GSDME: variants seen among roughly 807,000 people sequenced by gnomAD.
GSDME encodes gasdermin-E.
GSDME carries 44 observed loss-of-function variants against 47.5 expected under a neutral mutation model. The observed-to-expected ratio is 0.93, with a 90% confidence interval of 0.73 to 1.19. The LOEUF is 1.19. GSDME is among the 50% of genes most tolerant of loss of function. The pLI is 0.00. For missense variants in GSDME, 663 were observed against 604.2 expected (o/e 1.10, Z -1.02); for synonymous variants, 258 against 252.8 (o/e 1.02, Z -0.20).
chr7:24,746,953 C>T (rs888204193), intron 2 of GSDME, among the ~76,000 whole-genome samples: 1 of 152,178 alleles, frequency 6.6e-6, no homozygotes, highest in African/African-American at 2.4e-5. Flanking sequence ...AGACGCTTCT[C>T]GTCACCGCCC....
chr7:24,711,563 G>A (rs888768391), intron 5 of GSDME, among the ~76,000 whole-genome samples: 9 of 152,072 alleles, frequency 5.9e-5, no homozygotes, highest in African/African-American at 2.2e-4. Context: ...GCTCACACCT[G>A]TAATGCCAAC....
Position 24,736,465 on chromosome 7 carries a change from G to C in GSDME, c.404+8097C>G, listed in dbSNP as rs537037235. Among the ~76,000 whole-genome samples the C allele has an allele frequency of 1.3e-5, 2 of 152,164 alleles. No individual in the cohort carries two copies. The highest frequency in any genetic ancestry group is 2.9e-5 in the Non-Finnish European group (2 of 68,024). ...AATGATAAAGGGGTCAATTCAGCAAGAGGATATAACAATTGTAAATATTTA... is the reference window on the plus strand; with the variant it reads ...AATGATAAAGGGGTCAATTCAGCAACAGGATATAACAATTGTAAATATTTA... On this transcript the variant is annotated intron_variant, in intron 3 of 9. Coordinates refer to ENST00000645220, the MANE Select transcript of GSDME (RefSeq NM_001127453.2). The surrounding 1 kb of genome is among the most constrained non-coding windows in gnomAD (Gnocchi z 4.6).
the GSDME span, among the ~76,000 whole-genome samples, chr7:24,779,269 G>C: frequency 6.6e-6 from 1 of 152,264 alleles, no homozygotes; most frequent in African/African-American, 2.4e-5. This position sits in a 1 kb window ranked among gnomAD's most constrained non-coding sequence, Gnocchi z 6.0. Context: ...ATTCAGGTAA[G>C]AAAGTGGTTA....
chr7:24,716,264 C>T lies in GSDME; in HGVS notation c.697+990G>A, dbSNP rs1789549286. On this transcript the variant is annotated intron_variant, in intron 5 of 9. Coordinates refer to ENST00000645220, the MANE Select transcript of GSDME (RefSeq NM_001127453.2). The surrounding 1 kb of genome is among the most constrained non-coding windows in gnomAD (Gnocchi z 4.5). ...CCCATCAGCCAGCTTCAGCCACTGT[C>T]CCCTCTCAGCCAAGCCTCCTTCCCT... 6.6e-6 allele frequency among the ~76,000 whole-genome samples: 1 copy of T among 152,156 alleles called. No individual in the cohort carries two copies. The highest frequency in any genetic ancestry group is 2.1e-4 in the South Asian group (1 of 4,828).
rs1584099251 is a variant in GSDME at position 24,742,468 on chromosome 7, T to TC, written c.404+2093dup. On this transcript the variant is annotated intron_variant, in intron 3 of 9. Transcript: ENST00000645220. The surrounding 1 kb of genome is among the most constrained non-coding windows in gnomAD (Gnocchi z 4.4). ...TCTGCGGATGCTCCTTTCCTTTCCC[T>TC]CCCCCACTCCCTCTTCCTCCACTCA... Among the ~76,000 whole-genome samples the TC allele has an allele frequency of 6.6e-6, 1 of 152,078 alleles. No individual in the cohort carries two copies. Among genetic ancestry groups the TC allele is most frequent in the Non-Finnish European group, 1.5e-5 (1 of 68,010 alleles).
rs1333102083 is a variant in GSDME at position 24,754,973 on chromosome 7, T to C, written c.-20+2423A>G. Among the ~76,000 whole-genome samples the C allele has an allele frequency of 6.6e-6, 1 of 152,232 alleles. No individual in the cohort carries two copies. The highest frequency in any genetic ancestry group is 1.5e-5 in the Non-Finnish European group (1 of 68,034). ...ACTGTTTGTTGAGTATCTGCTATGT[T>C]CCAGGCATGGGTCTTACTGCCTTAT... On this transcript the variant is annotated intron_variant, in intron 1 of 9. Coordinates refer to ENST00000645220, the MANE Select transcript of GSDME (RefSeq NM_001127453.2). The surrounding 1 kb of genome is among the most constrained non-coding windows in gnomAD (Gnocchi z 5.0).
chr7:24,789,815 T>C, the GSDME span, among the ~76,000 whole-genome samples: 1 of 152,232 alleles, frequency 6.6e-6, no homozygotes, highest in African/African-American at 2.4e-5. Context: ...CATGTCTTCT[T>C]GTAGGACAGA....
intron 6 of GSDME, among the ~76,000 whole-genome samples, chr7:24,708,786 A>G (rs1204621548): frequency 1.3e-5 from 2 of 152,024 alleles, no homozygotes; most frequent in East Asian, 1.9e-4. Flanking sequence ...TTCTTTCTCT[A>G]TCCTTTGCTT....
chr7:24,708,097 AAC>A (rs1562689191), intron 7 of GSDME, 28 bp downstream of exon 7: 3 of 1,612,848 alleles, frequency 1.9e-6, no homozygotes, highest in Admixed American at 3.3e-5. Flanking sequence ...CCCCAGTGAA[AAC>A]ACTGCCTTGA....
intron 6 of GSDME, among the ~76,000 whole-genome samples, chr7:24,709,063 A>T (rs541933657): frequency 2.0e-4 from 30 of 152,346 alleles, no homozygotes; most frequent in African/African-American, 7.2e-4. Flanking sequence ...TCCAACTAGC[A>T]GTTGTATAAA....
chr7:24,766,435 T>C, the GSDME span, among the ~76,000 whole-genome samples: 1 of 152,144 alleles, frequency 6.6e-6, no homozygotes, highest in Non-Finnish European at 1.5e-5. This position sits in a 1 kb window ranked among gnomAD's most constrained non-coding sequence, Gnocchi z 4.2. Flanking sequence ...GCATTTCTCC[T>C]AATGCTCTCC....
rs1433343525 is a variant in GSDME at position 24,735,408 on chromosome 7, T to G, written c.404+9154A>C. On this transcript the variant is annotated intron_variant, in intron 3 of 9. Coordinates refer to ENST00000645220, the MANE Select transcript of GSDME (RefSeq NM_001127453.2). The surrounding 1 kb of genome is among the most constrained non-coding windows in gnomAD (Gnocchi z 4.4). ...GACTATTATAACACTGTCACTGTGG[T>G]ATGTAAACTACTCATATCTTAAGCA... is the stretch of plus-strand genomic sequence containing the variant. Among the ~76,000 whole-genome samples, 1 of 152,196 alleles carries G rather than the reference T, an allele frequency of 6.6e-6. No homozygotes were observed. Among genetic ancestry groups the G allele is most frequent in the Non-Finnish European group, 1.5e-5 (1 of 68,038 alleles).
intron 3 of GSDME, among the ~76,000 whole-genome samples, chr7:24,731,461 A>G (rs1285988983): frequency 1.3e-5 from 2 of 152,158 alleles, no homozygotes; most frequent in Non-Finnish European, 2.9e-5. Flanking sequence ...TCCACGGGAG[A>G]GGAAAACAAG....
chr7:24,759,419 TTTTAA>T (rs1169534271), upstream of GSDME, among the ~76,000 whole-genome samples: 1 of 152,198 alleles, frequency 6.6e-6, no homozygotes, highest in East Asian at 1.9e-4. Context: ...CTGCCTAGTC[TTTTAA>T]TTAAATGCCC....
At chr7:24,747,049 T>C (rs751301465) in intron 2 of GSDME, among the ~76,000 whole-genome samples, 1 of 152,230 alleles carries the variant, frequency 6.6e-6, no homozygotes, top group Admixed American at 6.5e-5. Context: ...TGACCGCCAC[T>C]GGCCTCACCA....
At chr7:24,786,652 A>G in the GSDME span, among the ~76,000 whole-genome samples, 1 of 152,034 alleles carries the variant, frequency 6.6e-6, no homozygotes, top group African/African-American at 2.4e-5. This position sits in a 1 kb window ranked among gnomAD's most constrained non-coding sequence, Gnocchi z 5.5. Context: ...AGTTAACTGA[A>G]GTTCGAACTT....
Position 24,712,536 on chromosome 7 carries a change from A to G in GSDME, c.698-2148T>C, listed in dbSNP as rs1055943138. Among the ~76,000 whole-genome samples, 1 of 152,124 alleles carries G rather than the reference A, an allele frequency of 6.6e-6. No individual in the cohort carries two copies. Among genetic ancestry groups the G allele is most frequent in the East Asian group, 1.9e-4 (1 of 5,198 alleles). On this transcript the variant is annotated intron_variant, in intron 5 of 9. Transcript: ENST00000645220. The surrounding 1 kb of genome is among the most constrained non-coding windows in gnomAD (Gnocchi z 4.4). ...AATGTAAATCTTTAAAATTCCCTAT[A>G]CCAGGCCCCGTGCTCACAGCCACAG...
rs890864712 is a variant in GSDME, at chr7:24,754,316, G to A, written c.-20+3080C>T. ...AGCCTGGCCCAACATGGTGAAACCCGGTCTGTACTAAAAATACAAAAATTA... is the reference window on the plus strand; with the variant it reads ...AGCCTGGCCCAACATGGTGAAACCCAGTCTGTACTAAAAATACAAAAATTA... On this transcript the variant is annotated intron_variant, in intron 1 of 9. Coordinates refer to ENST00000645220, the MANE Select transcript of GSDME (RefSeq NM_001127453.2). The surrounding 1 kb of genome is among the most constrained non-coding windows in gnomAD (Gnocchi z 5.0). 4.1e-4 allele frequency among the ~76,000 whole-genome samples: 62 copies of A among 151,864 alleles called. No homozygotes were observed. The highest frequency in any genetic ancestry group is 1.3e-4 in the Non-Finnish European group (9 of 67,960).
the GSDME span, among the ~76,000 whole-genome samples, chr7:24,775,874 C>CAAAA: frequency 0.013 from 398 of 31,318 alleles, 30 homozygotes; most frequent in Non-Finnish European, 0.015. Flanking sequence ...GATTCCATCT[C>CAAAA]AAAAAAAAAA....
Sources: gnomAD v4.1 joint callset for allele counts (sites outside exome capture counted in the v4.1 genomes callset) on GRCh38, gnomAD v4.1.1 for gene constraint, Gnocchi (gnomAD v3.1) non-coding constraint, MANE v1.5 for transcripts, NCBI Gene and HGNC (gene_info 2026-07-23, HGNC 2026-07-21) for gene names.